The following HACL1 variants were observed in gnomAD, a reference collection of about 807,000 sequenced individuals.
HACL1 encodes 1600020H07Rik.
HACL1 carries 64 observed loss-of-function variants against 74.2 expected under a neutral mutation model. That is an observed-to-expected ratio of 0.86 (90% confidence interval 0.70 to 1.06). The LOEUF (loss-of-function observed/expected upper bound fraction) is 1.06, where lower values mean the gene tolerates loss of function less well. HACL1 is among the 50% of genes least tolerant of loss of function. The pLI, the probability that HACL1 is intolerant of heterozygous loss-of-function variation, is 0.00. For missense variants in HACL1, 728 were observed against 719.7 expected (o/e 1.01, Z -0.13); for synonymous variants, 230 against 238.8 (o/e 0.96, Z 0.34).
intron 10 of HACL1, among the ~76,000 whole-genome samples, chr3:15,573,838 A>G (rs1415396376): frequency 6.6e-6 from 1 of 152,230 alleles, no homozygotes; most frequent in African/African-American, 2.4e-5. Context: ...CTGGATGGCC[A>G]TGGACAAATG....
intron 9 of HACL1, among the ~76,000 whole-genome samples, chr3:15,576,506 C>T (rs555583090): frequency 1.1e-3 from 161 of 152,282 alleles, no homozygotes; most frequent in Non-Finnish European, 1.8e-3. Flanking sequence ...TCGTAAACAA[C>T]CACCCTTGCT....
intron 8 of HACL1, among the ~76,000 whole-genome samples, chr3:15,582,205 G>A (rs1389039471): frequency 6.6e-6 from 1 of 152,178 alleles, no homozygotes; most frequent in East Asian, 1.9e-4. Flanking sequence ...GCTGACAGGA[G>A]TATAAATTGG....
At chr3:15,585,809 T>C (rs2063785665) in intron 6 of HACL1, among the ~76,000 whole-genome samples, 1 of 152,192 alleles carries the variant, frequency 6.6e-6, no homozygotes, top group South Asian at 2.1e-4. Context: ...GTTGAGTATC[T>C]GTAATCCAAA....
At chr3:15,588,949 T>C (rs1165063249) in intron 5 of HACL1, among the ~76,000 whole-genome samples, 3 of 152,190 alleles carry the variant, frequency 2.0e-5, no homozygotes, top group Non-Finnish European at 2.9e-5. Context: ...CTACATCTTC[T>C]TGACTCCTTT....
intron 9 of HACL1, among the ~76,000 whole-genome samples, chr3:15,577,995 G>T (rs953129339): frequency 5.9e-5 from 9 of 151,614 alleles, no homozygotes; most frequent in South Asian, 2.1e-4. Context: ...CTACTAGGGA[G>T]GGTGAGGCAG....
At chr3:15,592,595 CAT>C (rs1281506019) in intron 3 of HACL1, among the ~76,000 whole-genome samples, 5 of 122,636 alleles carry the variant, frequency 4.1e-5, no homozygotes, top group Non-Finnish European at 6.9e-5. Context: ...CGTGTATACA[CAT>C]GTACGCACAT....
chr3:15,593,126 TAC>T (rs1187721745), intron 3 of HACL1, among the ~76,000 whole-genome samples: 3 of 133,866 alleles, frequency 2.2e-5, no homozygotes, highest in African/African-American at 3.3e-5. Context: ...TACACACACA[TAC>T]GTATATATGT....
intron 3 of HACL1, among the ~76,000 whole-genome samples, chr3:15,591,918 T>C (rs1220974000): frequency 6.6e-6 from 1 of 150,488 alleles, no homozygotes; most frequent in Non-Finnish European, 1.5e-5. Context: ...ATGTATATAG[T>C]GTATATATAC....
At chr3:15,580,866 T>C (rs1408255820) in intron 8 of HACL1, among the ~76,000 whole-genome samples, 2 of 152,224 alleles carry the variant, frequency 1.3e-5, no homozygotes, top group African/African-American at 2.4e-5. Context: ...AATTCTGTGA[T>C]TGTAACAGAG....
intron 12 of HACL1, among the ~76,000 whole-genome samples, chr3:15,568,890 G>A (rs532635121): frequency 4.8e-4 from 73 of 152,336 alleles, no homozygotes; most frequent in African/African-American, 1.7e-3. Flanking sequence ...AAAGACAGCT[G>A]AGAAGCACTG....
rs559385569 is a variant in HACL1 at position 15,573,611 on chromosome 3, A to G, written c.910-369T>C. 2.6e-5 allele frequency among the ~76,000 whole-genome samples: 4 copies of G among 152,336 alleles called. No homozygotes were observed. The East Asian group carries it at 7.7e-4, about 29-fold the overall frequency. ...GGGTTCTCAAATATAAGCATATATC[A>G]GAGTCACCTGGTATATTCTGGGCTT... is the stretch of plus-strand genomic sequence containing the variant. On this transcript the variant is annotated intron_variant, in intron 10 of 16. Coordinates refer to ENST00000321169, the MANE Select transcript of HACL1 (RefSeq NM_012260.4).
At chr3:15,593,866 C>T (rs962429677) in intron 3 of HACL1, among the ~76,000 whole-genome samples, 3 of 141,960 alleles carry the variant, frequency 2.1e-5, no homozygotes, top group South Asian at 2.2e-4. Flanking sequence ...GGTGTGATCT[C>T]GGCTCACTGC....
At chr3:15,594,045 C>T (rs996968221) in intron 3 of HACL1, among the ~76,000 whole-genome samples, 13 of 151,740 alleles carry the variant, frequency 8.6e-5, no homozygotes, top group African/African-American at 2.4e-4. Context: ...GTGATCCACC[C>T]GCCTCGGCCT....
chr3:15,591,886 G>A (rs774951155), intron 3 of HACL1, among the ~76,000 whole-genome samples: 5 of 148,676 alleles, frequency 3.4e-5, no homozygotes, highest in Non-Finnish European at 7.4e-5. Flanking sequence ...ACACATATAC[G>A]TATATAGTGT....
At chr3:15,566,055 T>G (rs773996757) in intron 14 of HACL1, among the ~76,000 whole-genome samples, 2 of 152,214 alleles carry the variant, frequency 1.3e-5, no homozygotes, top group African/African-American at 2.4e-5. Context: ...TTGAGCATCC[T>G]TGGATTTTGG....
intron 14 of HACL1, among the ~76,000 whole-genome samples, chr3:15,565,327 G>C (rs73148162): frequency 6.6e-6 from 1 of 152,096 alleles, no homozygotes; most frequent in African/African-American, 2.4e-5. Context: ...TTGGTTCCTA[G>C]GAACAGTGTT....
Position 15,591,658 on chromosome 3 carries a change from AAAC to A in HACL1, c.247_249del (p.Val83del), listed in dbSNP as rs754388942. The A allele has an allele frequency of 6.9e-5, 112 of 1,611,852 alleles. No homozygotes were observed. The African/African-American group carries it at 1.4e-3, about 20-fold the overall frequency. ...AAGGCATGGATGAGACCTGGGCCAG[AAAC>A]AACAAGGCAGACTCCTGGCCTAAAA... On this transcript the variant is annotated inframe_deletion, in exon 4 of 17. Transcript: ENST00000321169.
chr3:15,591,916 A>AGTGTATATATACGTATATAC (rs1376799447), intron 3 of HACL1, among the ~76,000 whole-genome samples: 22 of 150,530 alleles, frequency 1.5e-4, no homozygotes, highest in African/African-American at 4.1e-4. Flanking sequence ...ATATGTATAT[A>AGTGTATATATACGTATATAC]GTGTATATAT....
At chr3:15,594,807 G>A (rs960409551) in intron 3 of HACL1, among the ~76,000 whole-genome samples, 1 of 152,190 alleles carries the variant, frequency 6.6e-6, no homozygotes, top group East Asian at 1.9e-4. Flanking sequence ...AGCTCCAGAA[G>A]TTCATTCAAA....
Sources: allele counts gnomAD v4.1 joint callset (sites outside exome capture counted in the v4.1 genomes callset), GRCh38; gene constraint gnomAD v4.1.1; transcripts MANE v1.5; gene names NCBI Gene and HGNC (gene_info 2026-07-23, HGNC 2026-07-21).